The following CCDC83 variants were observed in gnomAD, a reference collection of about 807,000 sequenced individuals.
CCDC83 encodes coiled-coil domain-containing protein 83.
A neutral mutation model predicts 50.1 loss-of-function variants in CCDC83; 54 were observed. That is an observed-to-expected ratio of 1.08 (90% CI 0.87 to 1.35). The LOEUF (loss-of-function observed/expected upper bound fraction) is 1.35, where lower values mean the gene tolerates loss of function less well. Among genes scored for constraint, CCDC83 ranks in the 40% most tolerant of loss-of-function variants. The probability of loss-of-function intolerance (pLI) is 0.00; values close to 1 mark genes in which losing one functional copy is unlikely to be tolerated. For missense variants in CCDC83, 518 were observed against 473.9 expected (o/e 1.09, Z -0.86); for synonymous variants, 161 against 153.3 (o/e 1.05, Z -0.37).
chr11:85,867,577 A>G (rs2093214781), intron 2 of CCDC83, among the ~76,000 whole-genome samples: 1 of 152,318 alleles, frequency 6.6e-6, no homozygotes, highest in South Asian at 2.1e-4. Flanking sequence ...GATACTATTC[A>G]TACTCATTTC....
intron 4 of CCDC83, among the ~76,000 whole-genome samples, chr11:85,883,473 A>C (rs2093311764): frequency 6.6e-6 from 1 of 152,028 alleles, no homozygotes; most frequent in Non-Finnish European, 1.5e-5. Context: ...GGAAGTTTGG[A>C]GAACATGGGT....
chr11:85,862,160 TG>T (rs1031508951), intron 1 of CCDC83, among the ~76,000 whole-genome samples: 1 of 152,120 alleles, frequency 6.6e-6, no homozygotes, highest in African/African-American at 2.4e-5. Flanking sequence ...AAAATGATTG[TG>T]ATATGTCCAT....
chr11:85,878,810 A>G (rs2093282774), intron 3 of CCDC83, among the ~76,000 whole-genome samples: 1 of 152,190 alleles, frequency 6.6e-6, no homozygotes, highest in Non-Finnish European at 1.5e-5. Flanking sequence ...AGAGGGATCC[A>G]GTTTCTCCTC....
chr11:85,864,681 C>G (rs1276762402), intron 1 of CCDC83, among the ~76,000 whole-genome samples: 2 of 152,154 alleles, frequency 1.3e-5, no homozygotes, highest in Non-Finnish European at 2.9e-5. Flanking sequence ...CTTCTTCGTG[C>G]TCATAGAAAA....
chr11:85,901,356 T>G (rs1230041675), intron 7 of CCDC83, among the ~76,000 whole-genome samples: 1 of 151,982 alleles, frequency 6.6e-6, no homozygotes, highest in Non-Finnish European at 1.5e-5. Flanking sequence ...GAGGATTGCT[T>G]TAGCCCAGGA....
rs145012196 is a variant in CCDC83 at position 85,868,533 on chromosome 11, C to T, written c.95+3315C>T. Among the ~76,000 whole-genome samples, 1,390 of 152,316 alleles carry T rather than the reference C, an allele frequency of 9.1e-3. 24 individuals are homozygous for T. Among genetic ancestry groups the T allele is most frequent in the African/African-American group, 0.032 (1,326 of 41,572 alleles). ...GGAATTACAGGCATGTGCCACCACA[C>T]CCAGCTAATTTTTTGTGTTTTTAGT... On this transcript the variant is annotated intron_variant, in intron 2 of 10. Transcript: ENST00000342404.
chr11:85,914,394 A>G (rs1405546377), intron 8 of CCDC83, among the ~76,000 whole-genome samples: 1 of 152,198 alleles, frequency 6.6e-6, no homozygotes, highest in Non-Finnish European at 1.5e-5. Flanking sequence ...TTCAGTGGAC[A>G]CTCTAAAAAG....
chr11:85,889,099 AC>A (rs1331248178), intron 5 of CCDC83, among the ~76,000 whole-genome samples: 1 of 152,202 alleles, frequency 6.6e-6, no homozygotes, highest in Non-Finnish European at 1.5e-5. Flanking sequence ...CGCCTGTAAT[AC>A]CAGCATTTTG....
At chr11:85,908,402 A>C (rs1427754190) in intron 7 of CCDC83, among the ~76,000 whole-genome samples, 4 of 152,088 alleles carry the variant, frequency 2.6e-5, no homozygotes, top group Middle Eastern at 3.2e-3. Flanking sequence ...GATGCAAAAA[A>C]AATAGCTGGG....
chr11:85,898,211 C>T (rs1200875914), intron 6 of CCDC83, among the ~76,000 whole-genome samples: 2 of 150,966 alleles, frequency 1.3e-5, no homozygotes, highest in East Asian at 1.9e-4. Flanking sequence ...ACTTTTAAAT[C>T]ATTTCTGTCC....
intron 4 of CCDC83, among the ~76,000 whole-genome samples, chr11:85,884,140 T>C (rs190661213): frequency 6.6e-6 from 1 of 152,102 alleles, no homozygotes; most frequent in Non-Finnish European, 1.5e-5. Flanking sequence ...GGGCTGAGCA[T>C]GGGGATGTGT....
In CCDC83 at chr11:85,895,872, G is replaced by A. The variant is rs931496125; in HGVS notation, c.603+488G>A. Among the ~76,000 whole-genome samples the A allele has an allele frequency of 8.6e-5, 13 of 151,984 alleles. No homozygotes were observed. In the East Asian group the frequency reaches 1.7e-3, roughly 20 times the overall value. On this transcript the variant is annotated intron_variant, in intron 6 of 10. Coordinates refer to ENST00000342404, the MANE Select transcript of CCDC83 (RefSeq NM_001286159.2). ...TCTGTCGCCCAGGCTGGAGTGCAGC[G>A]GCACAATCACAGCTCACTGCAGTCT...
chr11:85,873,278 C>A lies in CCDC83; in HGVS notation c.163C>A (p.Gln55Lys). ...FQIKTLRKKN[Q>K]KYHERNSRLK... ...AATAAAGACACTTAGGAAAAAGAAC[C>A]AAAAATATCATGAAAGAGTGAGTAT... Residue 55 changes from glutamine (Q) to lysine (K), a missense_variant, in exon 3 of 11, where the codon CAA (glutamine) becomes AAA (lysine). Gln to Lys is a moderately conservative substitution (Grantham distance 53). Transcript: ENST00000342404. 6.8e-7 allele frequency: 1 copy of A among 1,479,870 alleles called. No homozygotes were observed. Among genetic ancestry groups the A allele is most frequent in the South Asian group, 1.3e-5 (1 of 78,934 alleles). The allele number at this position is 1,479,870 out of a possible 1,614,324, so 91.7% of individuals were successfully genotyped here. A position where few individuals can be genotyped will look rare whatever the true frequency, so the allele number is the denominator to read the frequency against.
chr11:85,891,269 C>G (rs1159359247), intron 5 of CCDC83, among the ~76,000 whole-genome samples: 1 of 152,202 alleles, frequency 6.6e-6, no homozygotes, highest in Non-Finnish European at 1.5e-5. Flanking sequence ...TCATGGGTCA[C>G]CAGTCAGCCC....
intron 1 of CCDC83, among the ~76,000 whole-genome samples, chr11:85,857,479 T>G (rs11826218): frequency 0.16 from 24,228 of 152,088 alleles, 2,113 homozygotes; most frequent in Middle Eastern, 0.2. Context: ...GGATGTCGCT[T>G]GGGCCCCCAC....
intron 7 of CCDC83, among the ~76,000 whole-genome samples, chr11:85,907,821 A>C (rs1283310115): frequency 3.3e-5 from 5 of 152,320 alleles, no homozygotes; most frequent in African/African-American, 1.2e-4. Flanking sequence ...GCAACATCTC[A>C]AAAGGGCCCC....
intron 2 of CCDC83, among the ~76,000 whole-genome samples, chr11:85,872,480 A>G (rs1008188063): frequency 6.6e-6 from 1 of 151,836 alleles, no homozygotes; most frequent in Non-Finnish European, 1.5e-5. Context: ...GCGAGATTCC[A>G]TCTCAAAACA....
intron 3 of CCDC83, among the ~76,000 whole-genome samples, chr11:85,874,022 G>A (rs537910195): frequency 3.3e-5 from 5 of 152,300 alleles, no homozygotes; most frequent in Non-Finnish European, 1.5e-5. Flanking sequence ...TGGAGTCAGA[G>A]ACCTGAGTTT....
At chr11:85,912,719 C>A in intron 8 of CCDC83, 1 of 1,609,558 alleles carries the variant, frequency 6.2e-7, no homozygotes, top group Non-Finnish European at 8.5e-7. Context: ...GGAATCATGT[C>A]TAATCTCTGC....
Sources: gnomAD v4.1 joint callset for allele counts (sites outside exome capture counted in the v4.1 genomes callset) on GRCh38, gnomAD v4.1.1 for gene constraint, MANE v1.5 for transcripts, NCBI Gene and HGNC (gene_info 2026-07-23, HGNC 2026-07-21) for gene names.